NPY2R: variants seen among roughly 807,000 people sequenced by gnomAD.
NPY2R encodes the protein neuropeptide Y receptor type 2.
Under a neutral mutation model 22.3 loss-of-function variants are expected in NPY2R, and 17 were observed. The ratio of observed to expected loss-of-function variants is 0.76; its 90% CI spans 0.52 to 1.14. The LOEUF (loss-of-function observed/expected upper bound fraction) is 1.14. Among genes scored for constraint, NPY2R ranks in the 50% most tolerant of loss-of-function variants. The pLI is 0.00. For missense variants in NPY2R, 424 were observed against 467.9 expected, an observed-to-expected ratio of 0.91 and a Z score of 0.87; for synonymous variants, 209 against 183.4, an observed-to-expected ratio of 1.14 and a Z score of -1.13.
At chr4:155,193,199 G>C in the NPY2R span, among the ~76,000 whole-genome samples, 1 of 151,716 alleles carries the variant, frequency 6.6e-6, no homozygotes, top group African/African-American at 2.4e-5. Context: ...TATATATACG[G>C]TCCCATCGAA....
At chr4:155,203,083 A>T in the NPY2R span, among the ~76,000 whole-genome samples, 1 of 152,150 alleles carries the variant, frequency 6.6e-6, no homozygotes, top group South Asian at 2.1e-4. Flanking sequence ...GCTAAAAAGT[A>T]AAAATCTCAG....
chr4:155,188,971 T>TA, the NPY2R span, among the ~76,000 whole-genome samples: 1 of 152,112 alleles, frequency 6.6e-6, no homozygotes, highest in Non-Finnish European at 1.5e-5. Context: ...AGAGAACTTT[T>TA]AAAAAATACA....
the NPY2R span, among the ~76,000 whole-genome samples, chr4:155,176,192 G>C: frequency 6.6e-6 from 1 of 152,056 alleles, no homozygotes; most frequent in Non-Finnish European, 1.5e-5. Context: ...TAGTTGGTTG[G>C]TGAGATGGGA....
At chr4:155,207,046 A>G (rs1186228453), upstream of NPY2R, 1 of 152,186 alleles carries the variant, frequency 6.6e-6, no homozygotes, top group Non-Finnish European at 1.5e-5. Context: ...CATGTTAAAT[A>G]TTTCCATTTC....
the NPY2R span, among the ~76,000 whole-genome samples, chr4:155,203,082 TA>T: frequency 3.3e-5 from 5 of 152,090 alleles, no homozygotes; most frequent in African/African-American, 1.2e-4. Context: ...TGCTAAAAAG[TA>T]AAAATCTCAG....
chr4:155,205,452 G>T (rs973242026), upstream of NPY2R, among the ~76,000 whole-genome samples: 1 of 152,122 alleles, frequency 6.6e-6, no homozygotes, highest in Non-Finnish European at 1.5e-5. Context: ...TATCTAATAA[G>T]TATGTATCAC....
At chr4:155,179,976 C>T in the NPY2R span, among the ~76,000 whole-genome samples, 1 of 149,490 alleles carries the variant, frequency 6.7e-6, no homozygotes, top group African/African-American at 2.5e-5. Context: ...TTTCTATTGT[C>T]TAGTATGTAA....
chr4:155,181,274 G>A, the NPY2R span, among the ~76,000 whole-genome samples: 2 of 152,042 alleles, frequency 1.3e-5, no homozygotes, highest in African/African-American at 4.8e-5. Context: ...AAATGATTGT[G>A]GTACCCTCCA....
the NPY2R span, among the ~76,000 whole-genome samples, chr4:155,191,504 C>T: frequency 2.6e-5 from 4 of 151,842 alleles, no homozygotes; most frequent in African/African-American, 9.7e-5. Flanking sequence ...CTGGCAAATG[C>T]ATAGTGAGGT....
the NPY2R span, among the ~76,000 whole-genome samples, chr4:155,181,195 G>A: frequency 2.0e-5 from 3 of 152,036 alleles, no homozygotes. Flanking sequence ...ACAGCACGTG[G>A]ATAACTTCTT....
intron 1 of NPY2R, among the ~76,000 whole-genome samples, chr4:155,212,184 T>C (rs966825547): frequency 3.3e-5 from 5 of 152,178 alleles, no homozygotes; most frequent in African/African-American, 1.2e-4. Flanking sequence ...AACACATTCA[T>C]TGAAAGGTTC....
rs1040123166 is a variant in NPY2R at position 155,215,787 on chromosome 4, A to G, written c.*702A>G. 1.2e-5 allele frequency: 2 copies of G among 167,258 alleles called. No individual in the cohort carries two copies. Among genetic ancestry groups the G allele is most frequent in the Non-Finnish European group, 2.9e-5 (2 of 68,280 alleles). The allele number at this position is 167,258 out of a possible 1,614,324, so 10.4% of individuals were successfully genotyped here. A position where few individuals can be genotyped will look rare whatever the true frequency, so the allele number is the denominator to read the frequency against. On this transcript the variant is annotated 3_prime_UTR_variant, in exon 2 of 2. Coordinates refer to ENST00000329476, the MANE Select transcript of NPY2R (RefSeq NM_000910.4). ...CTCTGAATCAAAAGCTGAAATTCTC[A>G]GAATTACAGGAAATGCAAACCATCA... is the stretch of plus-strand genomic sequence containing the variant.
the NPY2R span, among the ~76,000 whole-genome samples, chr4:155,201,738 CA>C: frequency 6.6e-6 from 1 of 152,082 alleles, no homozygotes; most frequent in Non-Finnish European, 1.5e-5. Flanking sequence ...AGTCCAGCCC[CA>C]TAAAGTTTGA....
At chr4:155,183,597 T>A in the NPY2R span, among the ~76,000 whole-genome samples, 6 of 152,248 alleles carry the variant, frequency 3.9e-5, no homozygotes, top group South Asian at 2.1e-4. Flanking sequence ...ATGATTTTTT[T>A]AAAAGGATTA....
At chr4:155,197,476 C>T in the NPY2R span, among the ~76,000 whole-genome samples, 2 of 151,960 alleles carry the variant, frequency 1.3e-5, no homozygotes, top group East Asian at 3.9e-4. Context: ...TTCTTACTTT[C>T]TTCCCTTCTT....
chr4:155,175,367 T>G, the NPY2R span, among the ~76,000 whole-genome samples: 1 of 152,254 alleles, frequency 6.6e-6, no homozygotes, highest in South Asian at 2.1e-4. Context: ...TAAGGTCGAC[T>G]TACCTGAACA....
chr4:155,214,022 C>T lies in NPY2R; in HGVS notation c.83C>T (p.Pro28Leu). 1 of 1,613,998 alleles carries T rather than the reference C, an allele frequency of 6.2e-7. No individual in the cohort carries two copies. The highest frequency in any genetic ancestry group is 8.5e-7 in the Non-Finnish European group (1 of 1,179,908). ...GAACAATACGGGCCACAAACAACTC[C>T]TAGAGGTGAACTGGTCCCTGACCCT... ...KVEQYGPQTTPRGELVPDPEP... is the reference protein window; with the variant it reads ...KVEQYGPQTTLRGELVPDPEP... The change falls in exon 2 of 2, where the codon CCT becomes CTT. Residue 28 changes from proline to leucine, a missense_variant. Coordinates refer to ENST00000329476, the MANE Select transcript of NPY2R (RefSeq NM_000910.4).
In NPY2R at chr4:155,215,209, C is replaced by G; in HGVS notation, c.*124C>G. On this transcript the variant is annotated 3_prime_UTR_variant, in exon 2 of 2. Coordinates refer to ENST00000329476, the MANE Select transcript of NPY2R (RefSeq NM_000910.4). The stretch of plus-strand genomic sequence containing the variant: ...AAGAAGTGGATCTAAATGGAAGCAT[C>G]TGCTGTTTAATTCCTGGAAAACTGG... 1.1e-6 allele frequency: 1 copy of G among 939,088 alleles called. No individual in the cohort carries two copies. The highest frequency in any genetic ancestry group is 1.7e-6 in the Non-Finnish European group (1 of 587,706). 58.2% of individuals were successfully genotyped at this position (939,088 alleles called of 1,614,324 possible).
At chr4:155,187,656 CAAAATGTA>C in the NPY2R span, among the ~76,000 whole-genome samples, 1 of 151,948 alleles carries the variant, frequency 6.6e-6, no homozygotes, top group Admixed American at 6.6e-5. Flanking sequence ...GGATAATTTT[CAAAATGTA>C]AAAATAAAAT....
Sources: gnomAD v4.1 joint callset for allele counts (sites outside exome capture counted in the v4.1 genomes callset) on GRCh38, gnomAD v4.1.1 for gene constraint, MANE v1.5 for transcripts, NCBI Gene and HGNC (gene_info 2026-07-23, HGNC 2026-07-21) for gene names.